The following SLC9C1 variants were observed in gnomAD, a reference collection of about 807,000 sequenced individuals.
The protein encoded by SLC9C1 is solute carrier family 9 member C1.
A neutral mutation model predicts 140.9 loss-of-function variants in SLC9C1; 97 were observed. The ratio of observed to expected loss-of-function variants is 0.69; its 90% CI spans 0.58 to 0.82. SLC9C1 has a LOEUF of 0.82. Among genes scored for constraint, SLC9C1 ranks in the 40% least tolerant of loss-of-function variants. SLC9C1 has a pLI of 0.00. For synonymous variants in SLC9C1, 440 were observed against 442.6 expected (o/e 0.99, Z 0.07); for missense variants, 1,340 against 1,389.3 (o/e 0.96, Z 0.56).
At chr3:112,195,538 T>A (rs1177534850) in intron 20 of SLC9C1, among the ~76,000 whole-genome samples, 1 of 152,140 alleles carries the variant, frequency 6.6e-6, no homozygotes, top group African/African-American at 2.4e-5. Flanking sequence ...TGTTGTCCTA[T>A]ATTATTGTCT....
chr3:112,280,190 A>T (rs897793798), intron 3 of SLC9C1, among the ~76,000 whole-genome samples: 8 of 152,270 alleles, frequency 5.3e-5, no homozygotes, highest in African/African-American at 1.7e-4. Flanking sequence ...TGACTAGGGC[A>T]GATATTGGCA....
chr3:112,175,286 C>T (rs536747386), intron 23 of SLC9C1, among the ~76,000 whole-genome samples: 134 of 152,230 alleles, frequency 8.8e-4, no homozygotes, highest in Non-Finnish European at 1.5e-3. Context: ...GTGGAGGGTG[C>T]GAAACAGCAG....
intron 10 of SLC9C1, among the ~76,000 whole-genome samples, chr3:112,261,690 A>T (rs1299003220): frequency 6.6e-6 from 1 of 152,070 alleles, no homozygotes; most frequent in Non-Finnish European, 1.5e-5. Flanking sequence ...TACTTACTAA[A>T]ATTTTATTTT....
chr3:112,152,107 A>G, intron 27 of SLC9C1, 144 bp from the exon 28 acceptor site: 1 of 619,794 alleles, frequency 1.6e-6, no homozygotes, highest in East Asian at 3.3e-5. Flanking sequence ...GTATAGAGGA[A>G]GAAAAGTGGG....
At chr3:112,186,077 A>G (rs1048591721) in intron 20 of SLC9C1, 43 of 1,075,598 alleles carry the variant, frequency 4.0e-5, no homozygotes, top group Middle Eastern at 3.1e-4. Flanking sequence ...TCTTTTGCCC[A>G]TTAAAAAATG....
chr3:112,157,647 T>C (rs2075165490), intron 26 of SLC9C1, among the ~76,000 whole-genome samples: 1 of 152,008 alleles, frequency 6.6e-6, no homozygotes, highest in Non-Finnish European at 1.5e-5. Flanking sequence ...TATTCCAATC[T>C]ATGAACATGG....
intron 22 of SLC9C1, among the ~76,000 whole-genome samples, chr3:112,180,208 G>C (rs2077412701): frequency 6.6e-6 from 1 of 152,198 alleles, no homozygotes; most frequent in African/African-American, 2.4e-5. Context: ...AAAAACTTAT[G>C]ATCACAAGTG....
At chr3:112,280,445 T>A (rs2080327757) in intron 3 of SLC9C1, among the ~76,000 whole-genome samples, 1 of 152,074 alleles carries the variant, frequency 6.6e-6, no homozygotes, top group Admixed American at 6.6e-5. Context: ...ATGTACTCAG[T>A]AGCTGTATGT....
intron 13 of SLC9C1, among the ~76,000 whole-genome samples, chr3:112,225,053 A>T (rs942250061): frequency 6.6e-6 from 1 of 152,184 alleles, no homozygotes; most frequent in Non-Finnish European, 1.5e-5. Context: ...CCCCCAAAAG[A>T]TTCAACCTAA....
chr3:112,202,983 C>T (rs994032022), intron 17 of SLC9C1, among the ~76,000 whole-genome samples: 2 of 151,934 alleles, frequency 1.3e-5, no homozygotes, highest in African/African-American at 2.4e-5. Context: ...CATACTCTAC[C>T]CTGCAACTAC....
chr3:112,185,237 G>C (rs1206443658), intron 20 of SLC9C1, among the ~76,000 whole-genome samples: 2 of 151,538 alleles, frequency 1.3e-5, no homozygotes, highest in African/African-American at 4.9e-5. Context: ...CTTAAGTCCA[G>C]TAGGCCAAAC....
intron 20 of SLC9C1, among the ~76,000 whole-genome samples, chr3:112,194,494 T>G (rs936155329): frequency 1.3e-5 from 2 of 152,220 alleles, no homozygotes; most frequent in African/African-American, 4.8e-5. Context: ...GTGAAGGAAA[T>G]GAGTACCAGG....
At position 112,167,240 on chromosome 3, in the gene SLC9C1, A is replaced by G. The variant is rs1270155002; in HGVS notation, c.3345T>C (p.Tyr1115=). Residue 1115 remains tyrosine, a synonymous_variant, in exon 26 of 29, where the codon TAT becomes TAC. Transcript: ENST00000305815. ...ACTCACCTATTAATCCTGGTGTAAG[A>G]TAACTTTTATGTTTAGGAACAAACT... is the stretch of plus-strand genomic sequence containing the variant. ...IRKFVPKHKS[Y]LTPGLIGSVG... is the part of the protein sequence containing the mutation. 2.5e-6 allele frequency: 4 copies of G among 1,608,606 alleles called. No individual in the cohort carries two copies. The highest frequency in any genetic ancestry group is 1.1e-5 in the South Asian group (1 of 90,108).
In SLC9C1 at chr3:112,278,743, T is replaced by G. The variant is rs773579831; in HGVS notation, c.304A>C (p.Lys102Gln). The stretch of plus-strand genomic sequence containing the variant: ...AGAATGCTTACCTGCCAAAATAACT[T>G]TTGAAGCATGTACGTATCCATGTCA... The part of the protein sequence containing the change: ...AFDMDTYMLQ[K>Q]LFWQILLISI... The change falls in exon 4 of 29, where the codon AAG becomes CAG. Residue 102 changes from lysine to glutamine, a missense_variant. Transcript: ENST00000305815. The G allele has an allele frequency of 6.2e-7, 1 of 1,600,990 alleles. No homozygotes were observed. The highest frequency in any genetic ancestry group is 1.1e-5 in the South Asian group (1 of 88,384).
At chr3:112,258,082 TAC>T (rs2079661626) in intron 10 of SLC9C1, among the ~76,000 whole-genome samples, 1 of 152,170 alleles carries the variant, frequency 6.6e-6, no homozygotes, top group Admixed American at 6.6e-5. Flanking sequence ...TGAACACTTA[TAC>T]AGTTAGTGGG....
intron 20 of SLC9C1, among the ~76,000 whole-genome samples, chr3:112,198,749 C>G (rs753327409): frequency 7.9e-5 from 12 of 151,412 alleles, no homozygotes; most frequent in Non-Finnish European, 1.6e-4. Context: ...AATATGCTAC[C>G]CAATTCAGTT....
rs948652822 is a variant in SLC9C1, at chr3:112,285,118, C to T, written c.88+1586G>A. Among the ~76,000 whole-genome samples the T allele has an allele frequency of 4.0e-5, 6 of 150,808 alleles. No homozygotes were observed. The South Asian group carries it at 1.3e-3, about 32-fold the overall frequency. ...TCTCCAGCCTCAGCCTTCTGAGTAGCTGGGACTACAGGTGCCTGCCACCAT... is the reference window on the plus strand; with the variant it reads ...TCTCCAGCCTCAGCCTTCTGAGTAGTTGGGACTACAGGTGCCTGCCACCAT... On this transcript the variant is annotated intron_variant, in intron 2 of 28. Coordinates refer to ENST00000305815, the MANE Select transcript of SLC9C1 (RefSeq NM_183061.3).
chr3:112,146,797 C>T (rs554916729), intron 28 of SLC9C1, among the ~76,000 whole-genome samples: 105 of 152,128 alleles, frequency 6.9e-4, no homozygotes, highest in Middle Eastern at 3.4e-3. Context: ...TGATGGGTGG[C>T]GTATTCTGTA....
intron 2 of SLC9C1, among the ~76,000 whole-genome samples, chr3:112,284,708 A>C (rs1362911553): frequency 6.6e-6 from 1 of 152,246 alleles, no homozygotes; most frequent in South Asian, 2.1e-4. Flanking sequence ...CAGATACTTC[A>C]TTACATTGAA....
Sources: allele counts gnomAD v4.1 joint callset (sites outside exome capture counted in the v4.1 genomes callset), GRCh38; gene constraint gnomAD v4.1.1; transcripts MANE v1.5; gene names NCBI Gene and HGNC (gene_info 2026-07-23, HGNC 2026-07-21).